The following NRG1 variants were observed in gnomAD, a reference collection of about 807,000 sequenced individuals.
The protein encoded by NRG1 is neuregulin 1.
A neutral mutation model predicts 63.8 loss-of-function variants in NRG1; 18 were observed. The ratio of observed to expected loss-of-function variants is 0.28; its 90% confidence interval spans 0.19 to 0.42. The LOEUF is 0.42. NRG1 is among the 10% of genes least tolerant of loss of function. The pLI is 1.00. For missense variants in NRG1, 762 were observed against 814.7 expected (o/e 0.94, Z 0.79); for synonymous variants, 302 against 301.3 (o/e 1.00, Z -0.02).
intron 1 of NRG1, among the ~76,000 whole-genome samples, chr8:31,927,922 T>A (rs1834523239): frequency 6.6e-6 from 1 of 150,800 alleles, no homozygotes; most frequent in East Asian, 1.9e-4. Context: ...AACGTGCAGG[T>A]TTGTTACATT....
At chr8:31,962,748 C>T (rs1466418311) in intron 1 of NRG1, among the ~76,000 whole-genome samples, 1 of 152,084 alleles carries the variant, frequency 6.6e-6, no homozygotes, top group Non-Finnish European at 1.5e-5. Flanking sequence ...GGGTATAAGC[C>T]TAGAGTTGCC....
At chr8:32,557,891 T>G (rs1487177149) in intron 1 of NRG1, among the ~76,000 whole-genome samples, 1 of 152,230 alleles carries the variant, frequency 6.6e-6, no homozygotes, top group African/African-American at 2.4e-5. Flanking sequence ...GGGTTTTTCT[T>G]TTCTTTTTTT....
intron 1 of NRG1, among the ~76,000 whole-genome samples, chr8:31,781,975 A>C (rs1240076827): frequency 6.6e-6 from 1 of 152,074 alleles, no homozygotes; most frequent in Non-Finnish European, 1.5e-5. Flanking sequence ...CCTCCACTGA[A>C]CCCACCTGGA....
intron 1 of NRG1, among the ~76,000 whole-genome samples, chr8:31,897,435 G>T (rs954472121): frequency 6.6e-6 from 1 of 152,078 alleles, no homozygotes; most frequent in Non-Finnish European, 1.5e-5. Context: ...TCAAATTATG[G>T]TTTTTTGCCA....
intron 7 of NRG1, among the ~76,000 whole-genome samples, chr8:32,773,660 A>G (rs13272435): frequency 0.84 from 128,044 of 152,094 alleles, 54,257 homozygotes; most frequent in Middle Eastern, 0.92. Context: ...ATCTGTCACT[A>G]GGATCCATTT....
intron 1 of NRG1, among the ~76,000 whole-genome samples, chr8:31,930,465 A>C (rs1175188813): frequency 6.6e-6 from 1 of 152,078 alleles, no homozygotes; most frequent in Non-Finnish European, 1.5e-5. Context: ...AATAATTATT[A>C]TGTTCATTGT....
rs575586139 is a variant in NRG1 at position 32,459,208 on chromosome 8, A to G, written c.38-136620A>G. On this transcript the variant is annotated intron_variant, in intron 1 of 10. Transcript: ENST00000519301. ...GGTCTTGCCCATCTCAATAAACACC[A>G]CTGCTATCTACCCAATTAATTGAGC... Among the ~76,000 whole-genome samples, 12 of 152,068 alleles carry G rather than the reference A, an allele frequency of 7.9e-5. No individual in the cohort carries two copies. In the South Asian group the frequency reaches 2.3e-3, roughly 29 times the overall value.
At chr8:32,335,236 T>C (rs1274730618) in intron 1 of NRG1, among the ~76,000 whole-genome samples, 2 of 152,232 alleles carry the variant, frequency 1.3e-5, no homozygotes, top group African/African-American at 4.8e-5. Context: ...TTGATTCTTG[T>C]GGTTTAAGAC....
intron 1 of NRG1, among the ~76,000 whole-genome samples, chr8:31,925,576 T>G (rs1469173775): frequency 6.6e-6 from 1 of 152,146 alleles, no homozygotes; most frequent in East Asian, 1.9e-4. Flanking sequence ...TCTTTATCTC[T>G]CCATAGCTTT....
At chr8:32,240,893 T>A (rs1848032716) in intron 1 of NRG1, among the ~76,000 whole-genome samples, 1 of 152,064 alleles carries the variant, frequency 6.6e-6, no homozygotes, top group Admixed American at 6.6e-5. Flanking sequence ...ACTCTTTCCT[T>A]CCTATCCAAA....
At chr8:32,517,212 T>C (rs1440555485) in intron 1 of NRG1, among the ~76,000 whole-genome samples, 1 of 152,160 alleles carries the variant, frequency 6.6e-6, no homozygotes, top group Non-Finnish European at 1.5e-5. Context: ...CTTTTCTTTT[T>C]ATAAAATACA....
chr8:32,608,112 T>TTTTTGTTTTTTTTTG (rs1845663473), intron 3 of NRG1, among the ~76,000 whole-genome samples: 2 of 138,814 alleles, frequency 1.4e-5, no homozygotes, highest in Non-Finnish European at 3.0e-5. Context: ...TTTTTGTTTT[T>TTTTTGTTTTTTTTTG]TTTTTTTTTT....
At chr8:32,320,589 A>G (rs1333212697) in intron 1 of NRG1, among the ~76,000 whole-genome samples, 1 of 152,110 alleles carries the variant, frequency 6.6e-6, no homozygotes, top group Non-Finnish European at 1.5e-5. Context: ...CTTTTAAACA[A>G]CCAGATCTCA....
chr8:31,999,045 C>A (rs1276290803), intron 1 of NRG1, among the ~76,000 whole-genome samples: 1 of 148,328 alleles, frequency 6.7e-6, no homozygotes, highest in Admixed American at 6.8e-5. Flanking sequence ...GTATATAGTT[C>A]TTTTTTTTTT....
chr8:31,945,627 G>T (rs1403179207), intron 1 of NRG1, among the ~76,000 whole-genome samples: 1 of 152,188 alleles, frequency 6.6e-6, no homozygotes, highest in Non-Finnish European at 1.5e-5. Context: ...ACTGCCATTT[G>T]CAGCACAAAC....
At chr8:31,750,495 T>A (rs114653429) in intron 1 of NRG1, among the ~76,000 whole-genome samples, 1,923 of 152,048 alleles carry the variant, frequency 0.013, 48 homozygotes, top group African/African-American at 0.044. Context: ...AGAGGTGAAC[T>A]GTAAGAGCTG....
At chr8:31,686,153 G>A (rs1808869205) in intron 1 of NRG1, among the ~76,000 whole-genome samples, 1 of 152,048 alleles carries the variant, frequency 6.6e-6, no homozygotes, top group African/African-American at 2.4e-5. Context: ...GTTTTAATAA[G>A]GTATGAATTT....
chr8:31,733,227 A>G (rs900398752), intron 1 of NRG1, among the ~76,000 whole-genome samples: 1 of 150,796 alleles, frequency 6.6e-6, no homozygotes, highest in Non-Finnish European at 1.5e-5. Flanking sequence ...ACTGATGGAC[A>G]CTTAGGTTGA....
intron 1 of NRG1, among the ~76,000 whole-genome samples, chr8:31,932,947 A>G (rs1273114712): frequency 6.6e-6 from 1 of 152,216 alleles, no homozygotes; most frequent in Non-Finnish European, 1.5e-5. Context: ...ATTCATGAGC[A>G]TCTCATGTAT....
Sources: gnomAD v4.1 joint callset for allele counts (sites outside exome capture counted in the v4.1 genomes callset) on GRCh38, gnomAD v4.1.1 for gene constraint, MANE v1.5 for transcripts, NCBI Gene and HGNC (gene_info 2026-07-23, HGNC 2026-07-21) for gene names.